MYCBP2: variants seen among roughly 807,000 people sequenced by gnomAD.
MYCBP2 encodes E3 ubiquitin-protein ligase MYCBP2.
In MYCBP2, 120 loss-of-function variants were observed where a neutral mutation model predicts 525.3. The ratio of observed to expected loss-of-function variants is 0.23; its 90% CI spans 0.20 to 0.27. The LOEUF (loss-of-function observed/expected upper bound fraction) is 0.27. MYCBP2 is among the 10% of genes least tolerant of loss of function. The pLI is 1.00. For missense variants in MYCBP2, 4,149 were observed against 5,657.1 expected, an observed-to-expected ratio of 0.73 and a Z score of 8.55; for synonymous variants, 1,894 against 1,955.8, an observed-to-expected ratio of 0.97 and a Z score of 0.83.
intron 21 of MYCBP2, among the ~76,000 whole-genome samples, chr13:77,213,388 T>A (rs554211746): frequency 6.6e-6 from 1 of 152,198 alleles, no homozygotes. Flanking sequence ...GGCATAAGAA[T>A]TGCTTGAATC....
chr13:77,148,800 T>G (rs1460999262), intron 47 of MYCBP2, among the ~76,000 whole-genome samples: 1 of 152,158 alleles, frequency 6.6e-6, no homozygotes, highest in Non-Finnish European at 1.5e-5. Context: ...TTTCAAAACC[T>G]TGACCCTAAG....
chr13:77,197,189 G>A (rs1196476291), intron 26 of MYCBP2, among the ~76,000 whole-genome samples: 1 of 152,120 alleles, frequency 6.6e-6, no homozygotes, highest in Non-Finnish European at 1.5e-5. Flanking sequence ...AGTGGTGGGG[G>A]CAAAAATCTG....
chr13:77,326,578 C>T lies in MYCBP2; in HGVS notation c.198G>A (p.Leu66=), dbSNP rs1201937822. ...PAADSRGHYQ[L]LLSGRALADR... ...CGGCCAGGGCCCGGCCTGACAGCAG[C>T]AGCTGGTAGTGACCCCGGGAGTCCG... is the stretch of plus-strand genomic sequence containing the variant. The change falls in exon 1 of 83, where the codon CTG becomes CTA. Residue 66 remains leucine (L), a synonymous_variant. Transcript: ENST00000544440. This position sits in a 1 kb window ranked among gnomAD's most constrained non-coding sequence, Gnocchi z 4.2. 1.3e-6 allele frequency: 2 copies of T among 1,597,204 alleles called. No individual in the cohort carries two copies. Among genetic ancestry groups the T allele is most frequent in the Non-Finnish European group, 8.5e-7 (1 of 1,172,884 alleles).
intron 2 of MYCBP2, among the ~76,000 whole-genome samples, chr13:77,295,613 A>G (rs1448125192): frequency 1.3e-5 from 2 of 152,254 alleles, no homozygotes; most frequent in African/African-American, 4.8e-5. Context: ...GTTGCTATAC[A>G]GGCCCAGCAA....
chr13:77,223,198 G>A (rs2065831130), intron 20 of MYCBP2, among the ~76,000 whole-genome samples: 1 of 152,158 alleles, frequency 6.6e-6, no homozygotes, highest in African/African-American at 2.4e-5. Flanking sequence ...GTCCCCTGGG[G>A]TGCTACCAGC....
chr13:77,143,350 A>G (rs2054993062), intron 49 of MYCBP2, among the ~76,000 whole-genome samples: 1 of 152,232 alleles, frequency 6.6e-6, no homozygotes, highest in African/African-American at 2.4e-5. Context: ...GAGCAAACAA[A>G]AACAGAGGAG....
At chr13:77,096,513 ACT>A in intron 56 of MYCBP2, 32 bp from the exon 57 acceptor site, 1 of 1,608,078 alleles carries the variant, frequency 6.2e-7, no homozygotes, top group South Asian at 1.1e-5. Context: ...AATATTTAAC[ACT>A]CCAAGTGTCC....
At chr13:77,226,229 C>T (rs1197634514) in intron 18 of MYCBP2, among the ~76,000 whole-genome samples, 1 of 152,098 alleles carries the variant, frequency 6.6e-6, no homozygotes, top group Non-Finnish European at 1.5e-5. Flanking sequence ...GCTTTCACTC[C>T]TTCTTTCCTC....
intron 23 of MYCBP2, among the ~76,000 whole-genome samples, chr13:77,207,363 C>T (rs1402323151): frequency 2.0e-5 from 3 of 152,156 alleles, no homozygotes; most frequent in Admixed American, 6.5e-5. Context: ...GAACCCACAA[C>T]GTCTTCATCA....
chr13:77,178,893 C>T (rs2059959497), intron 34 of MYCBP2, among the ~76,000 whole-genome samples: 2 of 152,156 alleles, frequency 1.3e-5, no homozygotes, highest in South Asian at 4.1e-4. Flanking sequence ...TTTCCTGCAT[C>T]CTGCAGAGTA....
At chr13:77,174,921 A>ATATATATTTTAAATATAAATATATAT (rs2059511527) in intron 36 of MYCBP2, among the ~76,000 whole-genome samples, 4 of 85,738 alleles carry the variant, frequency 4.7e-5, no homozygotes, top group Non-Finnish European at 8.0e-5. Flanking sequence ...AATATATATT[A>ATATATATTTTAAATATAAATATATAT]TATATATATA....
intron 72 of MYCBP2, 83 bp from the exon 73 acceptor site, chr13:77,064,817 T>G: frequency 4.7e-6 from 6 of 1,276,474 alleles, no homozygotes; most frequent in African/African-American, 1.5e-5. Flanking sequence ...TAACATCTCC[T>G]ATCAAAGGAA....
Position 77,243,047 on chromosome 13 carries a change from G to A in MYCBP2, c.2629+12C>T. On this transcript the variant is annotated intron_variant, in intron 17 of 82. Coordinates refer to ENST00000544440, the MANE Select transcript of MYCBP2 (RefSeq NM_015057.5). ...GATTTTCATGTACTTTTTCTCTGTA[G>A]CTACATCTTACCTCTTCCTTCCTCT... 2 of 1,610,894 alleles carry A rather than the reference G, an allele frequency of 1.2e-6. No individual in the cohort carries two copies. The highest frequency in any genetic ancestry group is 1.7e-4 in the Middle Eastern group (1 of 6,056).
At position 77,158,124 on chromosome 13, in the gene MYCBP2, A is replaced by T; in HGVS notation, c.6598-15T>A. On this transcript the variant is annotated splice_polypyrimidine_tract_variant and intron_variant, in intron 44 of 82. Coordinates refer to ENST00000544440, the MANE Select transcript of MYCBP2 (RefSeq NM_015057.5). The stretch of plus-strand genomic sequence containing the variant: ...GTTTTGCACACCTGTTAAGTAAAAA[A>T]GAATATTTATATATTCTTAAAAATA... 6.6e-7 allele frequency: 1 copy of T among 1,510,420 alleles called. No homozygotes were observed. Among genetic ancestry groups the T allele is most frequent in the Non-Finnish European group, 8.9e-7 (1 of 1,128,712 alleles). The allele number at this position is 1,510,420 out of a possible 1,614,324, so 93.6% of individuals were successfully genotyped here.
intron 55 of MYCBP2, among the ~76,000 whole-genome samples, chr13:77,104,470 G>C (rs1253541337): frequency 6.6e-6 from 1 of 152,078 alleles, no homozygotes; most frequent in East Asian, 1.9e-4. Flanking sequence ...ATCAGGTGCT[G>C]AGAAACTTGG....
chr13:77,151,556 ACTTT>A lies in MYCBP2; in HGVS notation c.6916-611_6916-608del, dbSNP rs1231718030. On this transcript the variant is annotated intron_variant, in intron 46 of 82. Transcript: ENST00000544440. ...ATTAAATAATTAAACTTTGCAACTCACTTTCTTTAAGAATAAAATGGGACTATCT... is the reference window on the plus strand; with the variant it reads ...ATTAAATAATTAAACTTTGCAACTCACTTTAAGAATAAAATGGGACTATCT... 3.3e-5 allele frequency among the ~76,000 whole-genome samples: 5 copies of A among 152,348 alleles called. No homozygotes were observed. In the East Asian group the frequency reaches 5.8e-4, roughly 18 times the overall value.
At chr13:77,112,786 C>A (rs1340493806) in intron 55 of MYCBP2, among the ~76,000 whole-genome samples, 2 of 152,030 alleles carry the variant, frequency 1.3e-5, no homozygotes, top group Non-Finnish European at 2.9e-5. Context: ...ATTCTCCTCA[C>A]CCTCCTGCAT....
At position 77,130,123 on chromosome 13, in the gene MYCBP2, A is replaced by C. The variant is rs1033169526; in HGVS notation, c.7660-3581T>G. 5.9e-5 allele frequency among the ~76,000 whole-genome samples: 9 copies of C among 151,946 alleles called. No homozygotes were observed. In the East Asian group the frequency reaches 1.7e-3, roughly 29 times the overall value. On this transcript the variant is annotated intron_variant, in intron 52 of 82. Coordinates refer to ENST00000544440, the MANE Select transcript of MYCBP2 (RefSeq NM_015057.5). ...TCTATATTTATCTGATTTGAAATTA[A>C]AATCTTTCTAGTGAGTAGCAATTGC...
chr13:77,270,513 T>C lies in MYCBP2; in HGVS notation c.971A>G (p.Gln324Arg), dbSNP rs755776595. 6.2e-7 allele frequency: 1 copy of C among 1,609,486 alleles called. No homozygotes were observed. Among genetic ancestry groups the C allele is most frequent in the Non-Finnish European group, 8.5e-7 (1 of 1,177,350 alleles). Residue 324 changes from glutamine (Q) to arginine (R), a missense_variant, in exon 6 of 83, where the codon CAG (glutamine) becomes CGG (arginine). By Grantham distance (43) the Gln-to-Arg change is conservative. This residue lies in a region of MYCBP2 where 413 missense variants were observed against 451.2 expected (regional missense o/e 0.92). Coordinates refer to ENST00000544440, the MANE Select transcript of MYCBP2 (RefSeq NM_015057.5). ...CACCAAAACTGCTTGTACACTTCTC[T>C]GTAGCGAATTTAGAATTGTTGGCAC... is the stretch of plus-strand genomic sequence containing the variant. The part of the protein sequence containing the change: ...IQVPTILNSL[Q>R]RSVQAVLVGK...
Sources: allele counts gnomAD v4.1 joint callset (sites outside exome capture counted in the v4.1 genomes callset), GRCh38; gene constraint gnomAD v4.1.1; regional missense constraint gnomAD v4.1.1; non-coding constraint Gnocchi (gnomAD v3.1); transcripts MANE v1.5; gene names NCBI Gene and HGNC (gene_info 2026-07-23, HGNC 2026-07-21).